Variants in NPHP4 observed in about 807,000 individuals in gnomAD.
NPHP4 encodes the protein nephrocystin-4.
A neutral mutation model predicts 155.8 loss-of-function variants in NPHP4; 151 were observed. That is an observed-to-expected ratio of 0.97 (90% CI 0.85 to 1.11). The LOEUF (loss-of-function observed/expected upper bound fraction) is 1.11, where lower values mean the gene tolerates loss of function less well. Ranked by LOEUF, NPHP4 falls within the 50% of genes least tolerant of loss-of-function variation. The pLI is 0.00. For synonymous variants in NPHP4, 845 were observed against 816.8 expected (o/e 1.03, Z -0.59); for missense variants, 1,956 against 1,925.7 (o/e 1.02, Z -0.29).
At chr1:5,873,429 G>A in intron 22 of NPHP4, 94 bp from the exon 23 acceptor site, 2 of 950,936 alleles carry the variant, frequency 2.1e-6, no homozygotes, top group African/African-American at 1.6e-5. Flanking sequence ...CCAGCTGGGA[G>A]CCACCAGCCT....
chr1:5,941,864 T>C (rs1646834322), intron 9 of NPHP4, among the ~76,000 whole-genome samples: 1 of 152,030 alleles, frequency 6.6e-6, no homozygotes, highest in African/African-American at 2.4e-5. Flanking sequence ...CAGGGGGCCC[T>C]GGGGACAGGA....
intron 16 of NPHP4, among the ~76,000 whole-genome samples, chr1:5,895,190 G>A (rs562401478): frequency 1.8e-4 from 28 of 152,196 alleles, no homozygotes; most frequent in Admixed American, 1.8e-3. Flanking sequence ...CGTGGGGTGG[G>A]GGAAGGGGGG....
At position 5,895,032 on chromosome 1, in the gene NPHP4, A is replaced by G. The variant is rs190996182; in HGVS notation, c.2144-4004T>C. On this transcript the variant is annotated intron_variant, in intron 16 of 29. Coordinates refer to ENST00000378156, the MANE Select transcript of NPHP4 (RefSeq NM_015102.5). The stretch of plus-strand genomic sequence containing the variant: ...AAAAGGATGAGTTCATGTCCTTTGT[A>G]GGGACATGGATGAAGCTGGAAACCA... Among the ~76,000 whole-genome samples, 137 of 152,308 alleles carry G rather than the reference A, an allele frequency of 9.0e-4. 3 individuals are homozygous for G. The East Asian group carries it at 0.024, about 26-fold the overall frequency.
At chr1:5,873,596 C>G (rs1642233993) in intron 22 of NPHP4, 4 of 552,088 alleles carry the variant, frequency 7.2e-6, no homozygotes, top group Admixed American at 3.4e-5. Context: ...GCAGTCCTCA[C>G]AGCCCATCCC....
intron 17 of NPHP4, among the ~76,000 whole-genome samples, chr1:5,888,030 T>C (rs1221892383): frequency 6.6e-6 from 1 of 152,030 alleles, no homozygotes; most frequent in Non-Finnish European, 1.5e-5. Context: ...CCAGGAAGCA[T>C]GGCTGGGGTA....
Position 5,906,991 on chromosome 1 carries a change from T to G in NPHP4, c.1611+124A>C, listed in dbSNP as rs115400440. On this transcript the variant is annotated intron_variant, in intron 13 of 29. Coordinates refer to ENST00000378156, the MANE Select transcript of NPHP4 (RefSeq NM_015102.5). ...AAGCAATGCCCCACTCCCACCCACA[T>G]CCCAGGTAACCCGCCAAGGTCTCTG... 5,042 of 509,440 alleles carry G rather than the reference T, an allele frequency of 9.9e-3. 206 individuals are homozygous for G. The highest frequency in any genetic ancestry group is 0.087 in the African/African-American group (4,409 of 50,708). 31.6% of individuals were successfully genotyped at this position (509,440 alleles called of 1,614,324 possible). A position where few individuals can be genotyped will look rare whatever the true frequency, so the allele number is the denominator to read the frequency against.
At chr1:5,920,227 G>C (rs1429378887) in intron 11 of NPHP4, among the ~76,000 whole-genome samples, 1 of 151,850 alleles carries the variant, frequency 6.6e-6, no homozygotes, top group Admixed American at 6.6e-5. Context: ...CACCGCGCCC[G>C]GCCTTAAGTT....
At chr1:5,987,395 G>A (rs1288470750) in intron 1 of NPHP4, among the ~76,000 whole-genome samples, 1 of 152,162 alleles carries the variant, frequency 6.6e-6, no homozygotes, top group Non-Finnish European at 1.5e-5. Flanking sequence ...ACAGGATCCT[G>A]TCAGGGGCTC....
intron 11 of NPHP4, among the ~76,000 whole-genome samples, chr1:5,912,078 G>C (rs1029899852): frequency 3.3e-5 from 5 of 152,190 alleles, no homozygotes; most frequent in Admixed American, 3.3e-4. Context: ...AGGCTGTCTG[G>C]GGCAGCGCTG....
chr1:5,879,840 C>T (rs928252010), intron 19 of NPHP4, among the ~76,000 whole-genome samples: 9 of 108,864 alleles, frequency 8.3e-5, no homozygotes, highest in African/African-American at 3.0e-4. Flanking sequence ...CGCAAACACA[C>T]ACAGACACGC....
chr1:5,989,631 T>C (rs1655950696), intron 1 of NPHP4, among the ~76,000 whole-genome samples: 1 of 152,224 alleles, frequency 6.6e-6, no homozygotes, highest in Non-Finnish European at 1.5e-5. Context: ...CCCACTGATG[T>C]TTTATAACAT....
intron 9 of NPHP4, among the ~76,000 whole-genome samples, chr1:5,934,281 G>T (rs1056472134): frequency 2.0e-5 from 3 of 152,106 alleles, no homozygotes; most frequent in African/African-American, 7.2e-5. Flanking sequence ...AGGCAACAGC[G>T]GGTCCGACCA....
chr1:5,899,651 C>G (rs1046159292), intron 16 of NPHP4, among the ~76,000 whole-genome samples: 2 of 152,168 alleles, frequency 1.3e-5, no homozygotes, highest in African/African-American at 4.8e-5. Flanking sequence ...AACCACAAAA[C>G]TATACAACTC....
At chr1:5,941,314 A>AAC (rs1646804372) in intron 9 of NPHP4, among the ~76,000 whole-genome samples, 1 of 144,102 alleles carries the variant, frequency 6.9e-6, no homozygotes, top group South Asian at 2.2e-4. Context: ...AAAAAAAAAA[A>AAC]GGGCAGGAGA....
At position 5,904,740 on chromosome 1, in the gene NPHP4, G is replaced by T; in HGVS notation, c.2020C>A (p.Arg674Ser). ...KTVYFTFQFYRFPPATTPRLQ... is the reference protein window; with the variant it reads ...KTVYFTFQFYSFPPATTPRLQ... ...CGTGGCGTCGTTGCGGGTGGGAAGC[G>T]GTAGAACTGGAAGGTGAAATACACA... Residue 674 changes from arginine to serine, a missense_variant, in exon 16 of 30, where the codon CGC becomes AGC. Transcript: ENST00000378156. 1 of 1,613,942 alleles carries T rather than the reference G, an allele frequency of 6.2e-7. No homozygotes were observed. Among genetic ancestry groups the T allele is most frequent in the Admixed American group, 1.7e-5 (1 of 60,026 alleles).
intron 7 of NPHP4, among the ~76,000 whole-genome samples, chr1:5,949,343 TACACACAC>T (rs140032819): frequency 2.1e-5 from 3 of 140,786 alleles, no homozygotes; most frequent in East Asian, 2.1e-4. Flanking sequence ...TTCACATACA[TACACACAC>T]ACACACACAC....
chr1:5,919,957 G>C (rs1297693269), intron 11 of NPHP4, among the ~76,000 whole-genome samples: 2 of 152,100 alleles, frequency 1.3e-5, no homozygotes, highest in East Asian at 3.9e-4. Flanking sequence ...TCTAGAGACA[G>C]AGTCTCACTC....
intron 19 of NPHP4, among the ~76,000 whole-genome samples, chr1:5,879,861 G>GCA (rs775960120): frequency 7.1e-6 from 1 of 141,572 alleles, no homozygotes; most frequent in Non-Finnish European, 1.5e-5. Context: ...ACACAGACAC[G>GCA]CACACACACA....
intron 1 of NPHP4, among the ~76,000 whole-genome samples, chr1:5,988,743 G>A (rs1655834472): frequency 1.3e-5 from 2 of 150,360 alleles, no homozygotes; most frequent in Non-Finnish European, 2.9e-5. Flanking sequence ...GCCTGAGAGG[G>A]GCCTTGGCCC....
Sources: allele counts gnomAD v4.1 joint callset (sites outside exome capture counted in the v4.1 genomes callset), GRCh38; gene constraint gnomAD v4.1.1; transcripts MANE v1.5; gene names NCBI Gene and HGNC (gene_info 2026-07-23, HGNC 2026-07-21).